The following NFAT5 variants were observed in gnomAD, a reference collection of about 807,000 sequenced individuals.
NFAT5 encodes the protein nuclear factor of activated T cells 5.
Under a neutral mutation model 166.5 loss-of-function variants are expected in NFAT5, and 31 were observed. That is an observed-to-expected ratio of 0.19 (90% CI 0.14 to 0.25). NFAT5 has a LOEUF of 0.25. NFAT5 is among the 10% of genes least tolerant of loss of function. The pLI, the probability that NFAT5 is intolerant of heterozygous loss-of-function variation, is 1.00. For synonymous variants in NFAT5, 612 were observed against 639.7 expected, an observed-to-expected ratio of 0.96 and a Z score of 0.65; for missense variants, 1,449 against 1,821.8, an observed-to-expected ratio of 0.80 and a Z score of 3.72.
chr16:69,692,447 A>G lies in NFAT5; in HGVS notation c.2622A>G (p.Arg874=). ...CAACAGAGCCAACAGTCCATACCAG[A>G]CCAGATAATTTATTACCTGGAAGAG... ...FSSTEPTVHT[R]PDNLLPGRAE... is the part of the protein sequence containing the mutation. Residue 874 remains arginine, a synonymous_variant, in exon 13 of 15, where the codon AGA becomes AGG. Transcript: ENST00000349945. The G allele has an allele frequency of 1.2e-6, 2 of 1,614,214 alleles. No homozygotes were observed. Among genetic ancestry groups the G allele is most frequent in the Non-Finnish European group, 1.7e-6 (2 of 1,180,038 alleles).
Position 69,693,503 on chromosome 16 carries a change from A to T in NFAT5, c.3678A>T (p.Leu1226Phe). ...AGGCACAACCCCCGCAGCAGGGTTT[A>T]TTTCAGCCTCAGGTGGCCCTGGGCT... ...QEQAQPPQQG[L>F]FQPQVALGSL... The change falls in exon 13 of 15, where the codon TTA becomes TTT. Residue 1226 changes from leucine (L) to phenylalanine (F), a missense_variant. Physicochemically the swap from Leu to Phe is conservative, Grantham distance 22. This residue lies in a region of NFAT5 where 891 missense variants were observed against 993.0 expected (regional missense o/e 0.90). Transcript: ENST00000349945. 6.2e-7 allele frequency: 1 copy of T among 1,614,154 alleles called. No homozygotes were observed. The highest frequency in any genetic ancestry group is 2.2e-5 in the East Asian group (1 of 44,888).
At chr16:69,620,941 A>G (rs1055138048) in intron 2 of NFAT5, among the ~76,000 whole-genome samples, 9 of 152,196 alleles carry the variant, frequency 5.9e-5, no homozygotes, top group African/African-American at 2.2e-4. Flanking sequence ...TTGAACCTAT[A>G]CATTTTTTGG....
chr16:69,604,663 A>C (rs971167223), intron 2 of NFAT5, among the ~76,000 whole-genome samples: 6 of 152,130 alleles, frequency 3.9e-5, no homozygotes, highest in Non-Finnish European at 7.3e-5. Flanking sequence ...ACCTCTATCT[A>C]TCTGTCTGGT....
intron 2 of NFAT5, among the ~76,000 whole-genome samples, chr16:69,620,241 T>A (rs577783573): frequency 9.8e-5 from 15 of 152,350 alleles, no homozygotes; most frequent in African/African-American, 3.4e-4. Flanking sequence ...TTTCTGCCTA[T>A]CTACTTTTCT....
At chr16:69,646,290 G>A (rs572902411) in intron 3 of NFAT5, among the ~76,000 whole-genome samples, 2 of 152,236 alleles carry the variant, frequency 1.3e-5, no homozygotes, top group South Asian at 4.1e-4. Context: ...TCCAGCTTCT[G>A]GAGACCCAAT....
chr16:69,641,328 T>A (rs1189316378), intron 3 of NFAT5, among the ~76,000 whole-genome samples: 2 of 151,768 alleles, frequency 1.3e-5, no homozygotes, highest in South Asian at 2.1e-4. Context: ...ATCTTTTTTT[T>A]AATGATTATT....
At chr16:69,588,935 C>T (rs2032273044) in intron 2 of NFAT5, among the ~76,000 whole-genome samples, 1 of 145,996 alleles carries the variant, frequency 6.8e-6, no homozygotes, top group Non-Finnish European at 1.5e-5. Flanking sequence ...GCATTACATG[C>T]AGGGTCCTTC....
intron 2 of NFAT5, among the ~76,000 whole-genome samples, chr16:69,592,707 G>A (rs2032544735): frequency 6.6e-6 from 1 of 152,054 alleles, no homozygotes; most frequent in Non-Finnish European, 1.5e-5. Flanking sequence ...TCTGAAAAAT[G>A]CATTCTAGCT....
In NFAT5 at chr16:69,647,732, A is replaced by T. The variant is rs1489078180; in HGVS notation, c.812+146A>T. On this transcript the variant is annotated intron_variant, in intron 4 of 14. Coordinates refer to ENST00000349945, the MANE Select transcript of NFAT5 (RefSeq NM_138713.4). This position sits in a 1 kb window ranked among gnomAD's most constrained non-coding sequence, Gnocchi z 4.8. ...TATCATTGAAATACATGAAAATTTT[A>T]ACTTAAAATTACCAACTTTTACTAG... 1.1e-4 allele frequency: 76 copies of T among 714,326 alleles called. No homozygotes were observed. The highest frequency in any genetic ancestry group is 1.6e-4 in the Non-Finnish European group (73 of 455,694). 44.2% of individuals were successfully genotyped at this position (714,326 alleles called of 1,614,324 possible).
intron 13 of NFAT5, 40 bp from the exon 14 acceptor site, chr16:69,695,096 G>C (rs747227633): frequency 9.3e-6 from 13 of 1,398,364 alleles, no homozygotes; most frequent in Non-Finnish European, 1.3e-5. Context: ...TCTGCAGACT[G>C]TAGTCAGCTT....
At chr16:69,678,712 T>C (rs1391442872) in intron 10 of NFAT5, among the ~76,000 whole-genome samples, 1 of 152,220 alleles carries the variant, frequency 6.6e-6, no homozygotes, top group Non-Finnish European at 1.5e-5. Flanking sequence ...TTCAGTTCAG[T>C]CCAGTCTCAA....
chr16:69,584,140 C>T (rs1007620097), intron 2 of NFAT5, among the ~76,000 whole-genome samples: 1 of 151,986 alleles, frequency 6.6e-6, no homozygotes, highest in South Asian at 2.1e-4. Context: ...GCAGGGGAAT[C>T]GTTTGAACCC....
chr16:69,695,893 C>A (rs2037751205), intron 14 of NFAT5, among the ~76,000 whole-genome samples: 1 of 152,194 alleles, frequency 6.6e-6, no homozygotes, highest in Non-Finnish European at 1.5e-5. Context: ...AAAGATCCTT[C>A]CAGCTCCCTT....
chr16:69,687,605 G>A (rs1406884037), intron 11 of NFAT5, among the ~76,000 whole-genome samples: 2 of 152,102 alleles, frequency 1.3e-5, no homozygotes, highest in African/African-American at 4.8e-5. Context: ...CTGAGGATAG[G>A]TAAAAGACTC....
intron 2 of NFAT5, among the ~76,000 whole-genome samples, chr16:69,607,872 C>T (rs1258674732): frequency 1.3e-5 from 2 of 152,204 alleles, no homozygotes; most frequent in Non-Finnish European, 2.9e-5. Context: ...ATTTTCCACT[C>T]TCTCTTTTCA....
intron 3 of NFAT5, among the ~76,000 whole-genome samples, chr16:69,633,304 A>C (rs187387872): frequency 6.6e-6 from 1 of 152,330 alleles, no homozygotes; most frequent in East Asian, 1.9e-4. Flanking sequence ...CATAAGCTAA[A>C]TACTTATAGA....
chr16:69,653,648 T>C (rs2035765629), intron 5 of NFAT5, among the ~76,000 whole-genome samples: 3 of 150,782 alleles, frequency 2.0e-5, no homozygotes, highest in Non-Finnish European at 4.4e-5. Flanking sequence ...TGATCTCAGC[T>C]CACTGCAGCC....
chr16:69,578,958 T>TC (rs376183858), intron 2 of NFAT5, among the ~76,000 whole-genome samples: 2 of 151,312 alleles, frequency 1.3e-5, no homozygotes, highest in African/African-American at 4.9e-5. Flanking sequence ...CACTGCAAGC[T>TC]CCTCCTCCCA....
At chr16:69,567,840 AG>A (rs1171931331) in intron 1 of NFAT5, among the ~76,000 whole-genome samples, 1 of 152,222 alleles carries the variant, frequency 6.6e-6, no homozygotes, top group Non-Finnish European at 1.5e-5. Flanking sequence ...CTAATGTGTT[AG>A]AATTGAGTGC....
Sources: allele counts gnomAD v4.1 joint callset (sites outside exome capture counted in the v4.1 genomes callset), GRCh38; gene constraint gnomAD v4.1.1; regional missense constraint gnomAD v4.1.1; non-coding constraint Gnocchi (gnomAD v3.1); transcripts MANE v1.5; gene names NCBI Gene and HGNC (gene_info 2026-07-23, HGNC 2026-07-21).